The following TNNT2 variants were observed in gnomAD, a reference collection of about 807,000 sequenced individuals.
The protein encoded by TNNT2 is troponin T2, cardiac type, also known as troponin T, cardiac muscle.
Under a neutral mutation model 62.4 loss-of-function variants are expected in TNNT2, and 34 were observed. The ratio of observed to expected loss-of-function variants is 0.54; its 90% confidence interval spans 0.41 to 0.72. The LOEUF (loss-of-function observed/expected upper bound fraction) is 0.72, where lower values mean the gene tolerates loss of function less well. Among genes scored for constraint, TNNT2 ranks in the 30% least tolerant of loss-of-function variants. The probability of loss-of-function intolerance (pLI) is 0.00; values close to 1 mark genes in which losing one functional copy is unlikely to be tolerated. For synonymous variants in TNNT2, 123 were observed against 127.2 expected, an observed-to-expected ratio of 0.97 and a Z score of 0.22; for missense variants, 275 against 381.9, an observed-to-expected ratio of 0.72 and a Z score of 2.33.
chr1:201,364,821 T>C (rs1180711627), intron 10 of TNNT2, among the ~76,000 whole-genome samples: 1 of 152,176 alleles, frequency 6.6e-6, no homozygotes, highest in Non-Finnish European at 1.5e-5. Flanking sequence ...GATGTGGGAT[T>C]CTGCAGGTCA....
chr1:201,372,778 C>CAG (rs2102313295), intron 2 of TNNT2, among the ~76,000 whole-genome samples: 1 of 152,342 alleles, frequency 6.6e-6, no homozygotes, highest in East Asian at 1.9e-4. Flanking sequence ...TGGGATAGGA[C>CAG]TGTGGGCAGG....
intron 10 of TNNT2, among the ~76,000 whole-genome samples, 169 bp from the exon 11 acceptor site, chr1:201,364,544 G>A (rs1427426524): frequency 1.3e-5 from 2 of 152,210 alleles, no homozygotes; most frequent in Non-Finnish European, 2.9e-5. Context: ...CCAGCTCCAC[G>A]GACGTGCACA....
chr1:201,366,653 G>C (rs1659715764), intron 8 of TNNT2, 185 bp downstream of exon 8: 16 of 1,489,194 alleles, frequency 1.1e-5, no homozygotes, highest in Non-Finnish European at 1.4e-5. Flanking sequence ...GTGGAATTCA[G>C]CCCTCACTCA....
At chr1:201,372,188 G>T in intron 2 of TNNT2, 33 bp from the exon 3 acceptor site, 1 of 1,613,794 alleles carries the variant, frequency 6.2e-7, no homozygotes, top group East Asian at 2.2e-5. Context: ...TCAGTAGCTC[G>T]CACACAAGCA....
At chr1:201,361,764 G>A in intron 14 of TNNT2, 149 bp downstream of exon 14, 1 of 777,772 alleles carries the variant, frequency 1.3e-6, no homozygotes, top group Non-Finnish European at 2.2e-6. Flanking sequence ...GACCTGCTGG[G>A]GCCCAGCTCT....
At position 201,361,215 on chromosome 1, in the gene TNNT2, G is replaced by A. The variant is rs45496994; in HGVS notation, c.810+64C>T. On this transcript the variant is annotated intron_variant, in intron 15 of 16. Coordinates refer to ENST00000656932, the MANE Select transcript of TNNT2 (RefSeq NM_001276345.2). ...CCCAGGGACCTGCAGCAGTATTACC[G>A]GACCCAGTGAACCAGGAGGAGTGTG... 323 of 1,508,138 alleles carry A rather than the reference G, an allele frequency of 2.1e-4. No homozygotes were observed. The highest frequency in any genetic ancestry group is 5.3e-4 in the Admixed American group (32 of 59,856). The allele number at this position is 1,508,138 out of a possible 1,614,324, so 93.4% of individuals were successfully genotyped here.
Position 201,372,235 on chromosome 1 carries a change from C to T in TNNT2, c.42-80G>A. ...ACACGCCTGCACACACATGCACACA[C>T]TGGCCTTTCCCCAAAGATAATCCCC... On this transcript the variant is annotated intron_variant, in intron 2 of 16. Coordinates refer to ENST00000656932, the MANE Select transcript of TNNT2 (RefSeq NM_001276345.2). 2.5e-6 allele frequency: 4 copies of T among 1,595,446 alleles called. No homozygotes were observed. The South Asian group carries it at 4.4e-5, about 18-fold the overall frequency.
chr1:201,371,620 G>C (rs1660612489), intron 4 of TNNT2, among the ~76,000 whole-genome samples: 1 of 152,104 alleles, frequency 6.6e-6, no homozygotes, highest in Non-Finnish European at 1.5e-5. Flanking sequence ...CAAAATAACT[G>C]GTGGAAGGTG....
chr1:201,375,965 C>A (rs979867936), intron 1 of TNNT2, among the ~76,000 whole-genome samples: 2 of 152,218 alleles, frequency 1.3e-5, no homozygotes, highest in African/African-American at 4.8e-5. Flanking sequence ...GGCTTTCAGC[C>A]AGCCCAGAGG....
At chr1:201,371,841 G>A (rs140992355) in intron 4 of TNNT2, among the ~76,000 whole-genome samples, 186 bp downstream of exon 4, 2 of 152,284 alleles carry the variant, frequency 1.3e-5, no homozygotes, top group Admixed American at 6.5e-5. Flanking sequence ...GGTTTAAATC[G>A]TTTGCCTCAA....
Position 201,364,328 on chromosome 1 carries a change from C to T in TNNT2, c.459G>A (p.Glu153=), listed in dbSNP as rs775274966. Residue 153 remains glutamate, a synonymous_variant, in exon 11 of 17, where the codon GAG becomes GAA. Transcript: ENST00000656932. ...GGCGGTTCTGCCGCTCCTTCTCCCG[C>T]TCATTCCGGATGCGCTGCTGCTCGG... ...ERAEQQRIRN[E]REKERQNRLA... 5.0e-6 allele frequency: 8 copies of T among 1,613,374 alleles called. No homozygotes were observed. The Admixed American group carries it at 5.0e-5, about 10-fold the overall frequency.
At chr1:201,364,508 C>G (rs1025856087) in intron 10 of TNNT2, 133 bp from the exon 11 acceptor site, 15 of 969,046 alleles carry the variant, frequency 1.5e-5, no homozygotes, top group East Asian at 1.0e-4. Flanking sequence ...CAATGGTGCC[C>G]GGCCTCCAAG....
At chr1:201,361,473 A>C (rs1571601989) in intron 14 of TNNT2, 104 bp from the exon 15 acceptor site, 3 of 1,111,924 alleles carry the variant, frequency 2.7e-6, no homozygotes, top group African/African-American at 1.5e-5. Context: ...CCTCCTTCCC[A>C]CCTCCAGGCC....
chr1:201,361,166 G>C, intron 15 of TNNT2, 113 bp downstream of exon 15: 1 of 981,968 alleles, frequency 1.0e-6, no homozygotes, highest in East Asian at 2.4e-5. Context: ...GCTGAAGGGG[G>C]CTGTTGGGGA....
At position 201,359,618 on chromosome 1, in the gene TNNT2, C is replaced by T. The variant is rs193922620; in HGVS notation, c.851+5G>A. ...GGCTAGGCGAGAATGACCTCAGACACTTACACTTTCTGGTTATCGTTGATC... is the reference window on the plus strand; with the variant it reads ...GGCTAGGCGAGAATGACCTCAGACATTTACACTTTCTGGTTATCGTTGATC... On this transcript the variant is annotated splice_donor_5th_base_variant and intron_variant, in intron 16 of 16. Coordinates refer to ENST00000656932, the MANE Select transcript of TNNT2 (RefSeq NM_001276345.2). The T allele has an allele frequency of 6.3e-7, 1 of 1,599,368 alleles. No individual in the cohort carries two copies. Among genetic ancestry groups the T allele is most frequent in the Non-Finnish European group, 8.5e-7 (1 of 1,171,422 alleles).
chr1:201,375,857 G>A (rs183693508), intron 1 of TNNT2, among the ~76,000 whole-genome samples: 151 of 152,322 alleles, frequency 9.9e-4, no homozygotes, highest in African/African-American at 3.0e-3. Flanking sequence ...TGGTGCTGGG[G>A]CCTCACAGGA....
chr1:201,359,571 G>T, intron 16 of TNNT2, 52 bp downstream of exon 16: 1 of 1,542,040 alleles, frequency 6.5e-7, no homozygotes. Flanking sequence ...CTGGAAGGTA[G>T]GGAAGGAGGG....
In TNNT2 at chr1:201,365,198, T is replaced by C. The variant is rs759758840; in HGVS notation, c.404A>G (p.Asp135Gly). 1.2e-6 allele frequency: 2 copies of C among 1,613,700 alleles called. No individual in the cohort carries two copies. Among genetic ancestry groups the C allele is most frequent in the Non-Finnish European group, 1.7e-6 (2 of 1,179,582 alleles). ...KEEEELVSLK[D>G]RIERRRAERA... Reference sequence around the variant, plus strand: ...GGCAGACTGGACACCTACGATCCTGTCTTTGAGAGAAACGAGCTCCTCCTC... The same window carrying C: ...GGCAGACTGGACACCTACGATCCTGCCTTTGAGAGAAACGAGCTCCTCCTC... Residue 135 changes from aspartate to glycine, a missense_variant, in exon 10 of 17, where the codon GAC becomes GGC. Asp to Gly is a moderately conservative substitution (Grantham distance 94). Transcript: ENST00000656932.
intron 10 of TNNT2, 52 bp downstream of exon 10, chr1:201,365,139 G>A (rs1659414747): frequency 1.6e-5 from 24 of 1,477,496 alleles, no homozygotes; most frequent in Non-Finnish European, 2.3e-5. Flanking sequence ...AAAAGGGATG[G>A]AGGACAGACT....
Sources: allele counts gnomAD v4.1 joint callset (sites outside exome capture counted in the v4.1 genomes callset), GRCh38; gene constraint gnomAD v4.1.1; transcripts MANE v1.5; gene names NCBI Gene and HGNC (gene_info 2026-07-23, HGNC 2026-07-21).